Variants in ACER1 observed in about 807,000 individuals in gnomAD.
ACER1 encodes CTB-180A7.3.
A neutral mutation model predicts 24.9 loss-of-function variants in ACER1; 28 were observed. That is an observed-to-expected ratio of 1.13 (90% CI 0.83 to 1.54). ACER1 has a LOEUF of 1.54. Ranked by LOEUF, ACER1 falls within the 40% of genes most tolerant of loss-of-function variation. The pLI is 0.00. For missense variants in ACER1, 352 were observed against 349.3 expected (o/e 1.01, Z -0.06); for synonymous variants, 132 against 131.4 (o/e 1.00, Z -0.03).
the ACER1 span, among the ~76,000 whole-genome samples, chr19:6,354,526 G>C: frequency 6.6e-6 from 1 of 152,168 alleles, no homozygotes; most frequent in East Asian, 1.9e-4. Context: ...AAATATCAAA[G>C]GACATTGCTC....
At chr19:6,322,007 G>A (rs575124930) in intron 1 of ACER1, among the ~76,000 whole-genome samples, 33 of 151,946 alleles carry the variant, frequency 2.2e-4, no homozygotes, top group African/African-American at 7.3e-4. Context: ...AGAAGAAATT[G>A]TTGTCCCAAC....
chr19:6,344,357 G>A, the ACER1 span, among the ~76,000 whole-genome samples: 4 of 151,836 alleles, frequency 2.6e-5, no homozygotes, highest in African/African-American at 7.2e-5. Context: ...CATGAGAAGC[G>A]CTTGAACCCA....
At chr19:6,336,688 C>T (rs891280955), upstream of ACER1, among the ~76,000 whole-genome samples, 4 of 151,358 alleles carry the variant, frequency 2.6e-5, no homozygotes, top group African/African-American at 9.7e-5. Context: ...GGCATGGTGG[C>T]GGGCGCCTGT....
chr19:6,309,948 G>T (rs1436057635), intron 3 of ACER1, 114 bp from the exon 4 acceptor site: 3 of 1,331,644 alleles, frequency 2.3e-6, no homozygotes, highest in Non-Finnish European at 3.1e-6. Context: ...ATTCTGGGGA[G>T]CCCAGATAGG....
the ACER1 span, among the ~76,000 whole-genome samples, chr19:6,347,217 T>C: frequency 7.1e-6 from 1 of 141,660 alleles, no homozygotes; most frequent in African/African-American, 2.8e-5. Flanking sequence ...TCTTTTCTTT[T>C]CTTTTTCTTT....
chr19:6,347,098 C>CAAAAAAAAAAAA, the ACER1 span, among the ~76,000 whole-genome samples: 2 of 82,004 alleles, frequency 2.4e-5, no homozygotes, highest in Admixed American at 1.2e-4. Flanking sequence ...CCTGTCTCTA[C>CAAAAAAAAAAAA]AAAAAAAAAA....
At chr19:6,323,766 T>C (rs539610627) in intron 1 of ACER1, among the ~76,000 whole-genome samples, 20 of 152,266 alleles carry the variant, frequency 1.3e-4, no homozygotes, top group African/African-American at 4.8e-4. Context: ...TTGCTGTGGA[T>C]ATTGATAAGA....
upstream of ACER1, chr19:6,333,658 G>T: frequency 2.1e-6 from 2 of 942,498 alleles, no homozygotes; most frequent in Non-Finnish European, 3.1e-6. Context: ...GTGCCCCGCG[G>T]CAGGCAGACT....
intron 1 of ACER1, 120 bp from the exon 2 acceptor site, chr19:6,312,619 T>C: frequency 5.7e-6 from 4 of 702,788 alleles, no homozygotes; most frequent in South Asian, 4.8e-5. Flanking sequence ...AGGCAATGCA[T>C]CAACCCAGGA....
chr19:6,324,912 G>GAAGGA (rs1318452582), intron 1 of ACER1, among the ~76,000 whole-genome samples: 1 of 121,904 alleles, frequency 8.2e-6, no homozygotes, highest in Non-Finnish European at 1.8e-5. Context: ...AGGAAGGAAG[G>GAAGGA]AGGAAGGAAG....
At chr19:6,351,050 A>G in the ACER1 span, among the ~76,000 whole-genome samples, 2 of 152,140 alleles carry the variant, frequency 1.3e-5, no homozygotes, top group South Asian at 2.1e-4. Context: ...CTATATAATT[A>G]AACCAGTGAA....
At chr19:6,332,975 T>G (rs115810683) in intron 1 of ACER1, among the ~76,000 whole-genome samples, 4,467 of 151,380 alleles carry the variant, frequency 0.03, 226 homozygotes, top group African/African-American at 0.1. Flanking sequence ...AGCCAAGAGG[T>G]GAAACTTTTT....
At chr19:6,320,885 A>G (rs1484605195) in intron 1 of ACER1, among the ~76,000 whole-genome samples, 1 of 152,134 alleles carries the variant, frequency 6.6e-6, no homozygotes, top group African/African-American at 2.4e-5. Flanking sequence ...AATACCTAAT[A>G]AAATTAATGA....
In ACER1 at chr19:6,312,501, T is replaced by G. The variant is rs2091587127; in HGVS notation, c.94-2A>C. ...GATGAAGAAGGGGATATTGGAGAAC[T>G]GGAGCAGAGAGAGCCATAGGGAGGA... On this transcript the variant is annotated splice_acceptor_variant, in intron 1 of 5. Coordinates refer to ENST00000301452, the MANE Select transcript of ACER1 (RefSeq NM_133492.3). LOFTEE classifies it high-confidence loss of function. 1.9e-6 allele frequency: 3 copies of G among 1,612,002 alleles called. No individual in the cohort carries two copies. The South Asian group carries it at 3.3e-5, about 18-fold the overall frequency.
intron 1 of ACER1, among the ~76,000 whole-genome samples, chr19:6,323,520 T>C (rs1307713124): frequency 5.3e-5 from 8 of 152,332 alleles, no homozygotes; most frequent in Middle Eastern, 3.4e-3. Flanking sequence ...TGCTCCTCCT[T>C]GCCTTCCACC....
At chr19:6,323,235 A>G (rs1220858648) in intron 1 of ACER1, among the ~76,000 whole-genome samples, 2 of 152,128 alleles carry the variant, frequency 1.3e-5, no homozygotes, top group Non-Finnish European at 2.9e-5. Context: ...CATGGCTAAC[A>G]CAGTGAAACC....
In ACER1 at chr19:6,314,487, G is replaced by T. The variant is rs569270515; in HGVS notation, c.94-1988C>A. On this transcript the variant is annotated intron_variant, in intron 1 of 5. Coordinates refer to ENST00000301452, the MANE Select transcript of ACER1 (RefSeq NM_133492.3). The stretch of plus-strand genomic sequence containing the variant: ...TTCACCTCAAAAAAAAAAAAAAAAG[G>T]TCACAAGAACATTTGCACCCAAAAT... 1.7e-4 allele frequency among the ~76,000 whole-genome samples: 25 copies of T among 150,144 alleles called. 2 individuals are homozygous for T. In the South Asian group the frequency reaches 5.1e-3, roughly 30 times the overall value.
In ACER1 at chr19:6,330,713, C is replaced by T. The variant is rs1458841197; in HGVS notation, c.93+2746G>A. Among the ~76,000 whole-genome samples the T allele has an allele frequency of 3.3e-5, 5 of 149,946 alleles. 1 individual carries two copies. Among genetic ancestry groups the T allele is most frequent in the African/African-American group, 5.1e-5 (2 of 39,556 alleles). On this transcript the variant is annotated intron_variant, in intron 1 of 5. Transcript: ENST00000301452. ...TTCCAGAGAGAAGAGCTCTAGAGCC[C>T]TTACCCATCATCTCAGCCTCGTAGG...
At chr19:6,323,148 C>T (rs560006633) in intron 1 of ACER1, among the ~76,000 whole-genome samples, 5 of 151,322 alleles carry the variant, frequency 3.3e-5, no homozygotes, top group Admixed American at 1.3e-4. Context: ...AGGCAGGGCG[C>T]AGTGGTTCAC....
Sources: allele counts gnomAD v4.1 joint callset (sites outside exome capture counted in the v4.1 genomes callset), GRCh38; gene constraint gnomAD v4.1.1; transcripts MANE v1.5; gene names NCBI Gene and HGNC (gene_info 2026-07-23, HGNC 2026-07-21).